Variants in NRG1 observed in about 807,000 individuals in gnomAD.
NRG1 encodes neuregulin 1.
A neutral mutation model predicts 63.8 loss-of-function variants in NRG1; 18 were observed. The ratio of observed to expected loss-of-function variants is 0.28; its 90% CI spans 0.19 to 0.42. The LOEUF is 0.42. NRG1 is among the 10% of genes least tolerant of loss of function. The pLI is 1.00. For synonymous variants in NRG1, 302 were observed against 301.3 expected (o/e 1.00, Z -0.02); for missense variants, 762 against 814.7 (o/e 0.94, Z 0.79).
At chr8:32,127,184 G>T (rs1376196885) in intron 1 of NRG1, among the ~76,000 whole-genome samples, 3 of 151,890 alleles carry the variant, frequency 2.0e-5, no homozygotes, top group African/African-American at 7.2e-5. Context: ...TAGGACAAGT[G>T]GCTAACCTGT....
intron 1 of NRG1, among the ~76,000 whole-genome samples, chr8:32,583,228 A>T (rs1349574735): frequency 3.3e-5 from 5 of 152,178 alleles, no homozygotes; most frequent in Non-Finnish European, 5.9e-5. Flanking sequence ...AATATGCAAA[A>T]TGCTTTTATT....
chr8:31,809,012 G>A (rs1034650744), intron 1 of NRG1, among the ~76,000 whole-genome samples: 73 of 151,954 alleles, frequency 4.8e-4, no homozygotes, highest in African/African-American at 1.7e-3. Flanking sequence ...CTTACATTTG[G>A]TTAATACTTT....
chr8:32,491,792 A>G (rs1336639281), intron 1 of NRG1, among the ~76,000 whole-genome samples: 1 of 152,182 alleles, frequency 6.6e-6, no homozygotes, highest in Admixed American at 6.5e-5. Flanking sequence ...ACCTTCCTGA[A>G]CTTGGGCCAC....
intron 1 of NRG1, among the ~76,000 whole-genome samples, chr8:32,342,791 T>C (rs1804238618): frequency 6.6e-6 from 1 of 152,230 alleles, no homozygotes; most frequent in South Asian, 2.1e-4. Flanking sequence ...ATTTGTTTTC[T>C]AAAAAATTTA....
chr8:32,564,225 G>T (rs906065993), intron 1 of NRG1, among the ~76,000 whole-genome samples: 11 of 152,160 alleles, frequency 7.2e-5, no homozygotes, highest in African/African-American at 2.7e-4. Flanking sequence ...TGAAAGAAAA[G>T]CTTTGTTTCT....
chr8:32,721,742 CTG>C, intron 5 of NRG1: 1 of 946,628 alleles, frequency 1.1e-6, no homozygotes, highest in Non-Finnish European at 1.4e-6. Context: ...TTCCGTGGTT[CTG>C]AGCCTGGCTC....
intron 1 of NRG1, among the ~76,000 whole-genome samples, chr8:32,233,627 C>T (rs1194438121): frequency 7.7e-5 from 11 of 143,768 alleles, no homozygotes; most frequent in South Asian, 6.8e-4. Flanking sequence ...TGCAGTGGTG[C>T]GATCTCAGAT....
chr8:32,579,215 T>G (rs1360696451), intron 1 of NRG1, among the ~76,000 whole-genome samples: 4 of 119,696 alleles, frequency 3.3e-5, no homozygotes, highest in South Asian at 2.7e-4. Context: ...TTTTTTTTTT[T>G]TTGGATACTA....
chr8:32,453,991 T>C (rs891818182), intron 1 of NRG1, among the ~76,000 whole-genome samples: 2 of 152,228 alleles, frequency 1.3e-5, no homozygotes, highest in African/African-American at 4.8e-5. Flanking sequence ...TCTAAGAAGA[T>C]AGCCTGTATA....
intron 1 of NRG1, among the ~76,000 whole-genome samples, chr8:32,330,084 G>T (rs1802470965): frequency 3.0e-5 from 4 of 132,616 alleles, no homozygotes; most frequent in South Asian, 5.5e-4. Flanking sequence ...AAAAAAAAGT[G>T]TGTAGGGAAG....
intron 1 of NRG1, among the ~76,000 whole-genome samples, chr8:32,555,479 G>A (rs7464672): frequency 1.5e-3 from 230 of 152,258 alleles, no homozygotes; most frequent in African/African-American, 5.4e-3. Flanking sequence ...TTTTATTTAT[G>A]TACTTTTTTT....
intron 1 of NRG1, among the ~76,000 whole-genome samples, chr8:32,243,694 A>G (rs932906303): frequency 2.0e-5 from 3 of 152,182 alleles, no homozygotes; most frequent in South Asian, 4.2e-4. Context: ...TGTGAAATTC[A>G]TATCTTGAAG....
intron 1 of NRG1, among the ~76,000 whole-genome samples, chr8:32,304,809 G>A (rs948919619): frequency 1.3e-5 from 2 of 151,948 alleles, no homozygotes; most frequent in Admixed American, 1.3e-4. Context: ...GATCACTTAA[G>A]GACAGGAGTT....
At chr8:32,728,248 T>C in intron 6 of NRG1, 170 bp downstream of exon 6, 2 of 985,410 alleles carry the variant, frequency 2.0e-6, no homozygotes, top group Middle Eastern at 5.2e-4. Flanking sequence ...TCATCACTCC[T>C]CTGTCATATG....
chr8:32,648,994 C>G (rs1037998292), intron 5 of NRG1, among the ~76,000 whole-genome samples: 2 of 152,182 alleles, frequency 1.3e-5, no homozygotes, highest in African/African-American at 4.8e-5. Flanking sequence ...CCAGATGGCA[C>G]TTTCAGTTAG....
intron 1 of NRG1, among the ~76,000 whole-genome samples, chr8:32,533,198 A>G (rs975355005): frequency 3.3e-5 from 5 of 152,000 alleles, no homozygotes; most frequent in African/African-American, 1.2e-4. Context: ...TCCCAAAATG[A>G]TAACATTTGA....
intron 1 of NRG1, among the ~76,000 whole-genome samples, chr8:32,574,793 G>C (rs1839303690): frequency 6.6e-6 from 1 of 152,132 alleles, no homozygotes; most frequent in African/African-American, 2.4e-5. Context: ...CCCAGTCTCA[G>C]TTATTTTTTA....
At chr8:32,287,624 C>G (rs1040063621) in intron 1 of NRG1, 2 of 152,216 alleles carry the variant, frequency 1.3e-5, no homozygotes, top group Non-Finnish European at 2.9e-5. Flanking sequence ...ATTTATTCAT[C>G]AAGCATTCGC....
At chr8:32,384,646 GGA>G (rs1810754255) in intron 1 of NRG1, among the ~76,000 whole-genome samples, 1 of 152,156 alleles carries the variant, frequency 6.6e-6, no homozygotes, top group Non-Finnish European at 1.5e-5. Flanking sequence ...GATGTCTTTT[GGA>G]AGGGAAAAAT....
Sources: allele counts gnomAD v4.1 joint callset (sites outside exome capture counted in the v4.1 genomes callset), GRCh38; gene constraint gnomAD v4.1.1; transcripts MANE v1.5; gene names NCBI Gene and HGNC (gene_info 2026-07-23, HGNC 2026-07-21).